Variants in ADCK1 observed in about 807,000 individuals in gnomAD.
ADCK1 encodes aarF domain containing kinase 1, also known as aarF domain-containing protein kinase 1.
Under a neutral mutation model 52.3 loss-of-function variants are expected in ADCK1, and 41 were observed. The ratio of observed to expected loss-of-function variants is 0.78; its 90% CI spans 0.61 to 1.02. The LOEUF (loss-of-function observed/expected upper bound fraction) is 1.02. Among genes scored for constraint, ADCK1 ranks in the 50% least tolerant of loss-of-function variants. The probability of loss-of-function intolerance (pLI) is 0.00; values close to 1 mark genes in which losing one functional copy is unlikely to be tolerated. For missense variants in ADCK1, 658 were observed against 679.5 expected (o/e 0.97, Z 0.35); for synonymous variants, 250 against 274.6 (o/e 0.91, Z 0.89).
intron 6 of ADCK1, among the ~76,000 whole-genome samples, chr14:77,904,047 C>A (rs1403993064): frequency 6.6e-6 from 1 of 152,086 alleles, no homozygotes; most frequent in Non-Finnish European, 1.5e-5. Flanking sequence ...ATAGAGGTAG[C>A]CTGCTCCAGA....
In ADCK1 at chr14:77,931,693, G is replaced by A. The variant is rs764007785; in HGVS notation, c.1382G>A (p.Cys461Tyr). ...TCCTTTCTCAACATGTCACGTTGCT[G>A]CATCAGAGCGCTAGCTGAGTGAGTG... is the stretch of plus-strand genomic sequence containing the variant. The part of the protein sequence containing the change: ...ASSFLNMSRC[C>Y]IRALAEHKKK... Residue 461 changes from cysteine to tyrosine, a missense_variant, in exon 10 of 11, where the codon TGC becomes TAC. Cys to Tyr is a radical substitution (Grantham distance 194). Coordinates refer to ENST00000238561, the MANE Select transcript of ADCK1 (RefSeq NM_020421.4). The A allele has an allele frequency of 4.3e-5, 69 of 1,604,018 alleles. No individual in the cohort carries two copies. The highest frequency in any genetic ancestry group is 5.5e-5 in the Non-Finnish European group (65 of 1,179,912).
chr14:77,869,621 G>C (rs1015095061), intron 4 of ADCK1, among the ~76,000 whole-genome samples: 2 of 152,170 alleles, frequency 1.3e-5, no homozygotes, highest in Non-Finnish European at 1.5e-5. Context: ...ACAACAGATG[G>C]GTGCATTAGG....
chr14:77,931,592 G>T lies in ADCK1; in HGVS notation c.1281G>T (p.Gln427His). 1 of 1,613,920 alleles carries T rather than the reference G, an allele frequency of 6.2e-7. No individual in the cohort carries two copies. The change falls in exon 10 of 11, where the codon CAG (glutamine) becomes CAT (histidine). Residue 427 changes from glutamine to histidine, a missense_variant. Gln to His is a conservative substitution (Grantham distance 24, BLOSUM62 0). Coordinates refer to ENST00000238561, the MANE Select transcript of ADCK1 (RefSeq NM_020421.4). ...ATCTCCTCAACCACGTGCCGCGCCA[G>T]ATGCTGCTCATCTTGAAGACCAACG... ...ISHLLNHVPR[Q>H]MLLILKTNDL...
At chr14:77,850,020 C>T (rs1156867876) in intron 3 of ADCK1, among the ~76,000 whole-genome samples, 2 of 152,040 alleles carry the variant, frequency 1.3e-5, no homozygotes, top group East Asian at 3.9e-4. Flanking sequence ...GCCTGGGCAA[C>T]ATAGTGAGAC....
At chr14:77,816,491 A>G (rs550323291) in intron 1 of ADCK1, among the ~76,000 whole-genome samples, 13 of 152,264 alleles carry the variant, frequency 8.5e-5, no homozygotes, top group Non-Finnish European at 1.5e-4. Flanking sequence ...TGCTGATATC[A>G]TGAAGCTTCC....
At chr14:77,889,954 G>A (rs368613566) in intron 5 of ADCK1, among the ~76,000 whole-genome samples, 16 of 151,944 alleles carry the variant, frequency 1.1e-4, no homozygotes, top group African/African-American at 3.9e-4. Flanking sequence ...AAAACATTGG[G>A]GGGTGAGCCC....
At chr14:77,909,368 C>T (rs1333958634) in intron 7 of ADCK1, among the ~76,000 whole-genome samples, 2 of 152,118 alleles carry the variant, frequency 1.3e-5, no homozygotes, top group Non-Finnish European at 2.9e-5. Context: ...CTCCTGACCT[C>T]GGGTGATCCG....
intron 2 of ADCK1, among the ~76,000 whole-genome samples, chr14:77,819,878 A>G (rs2081543761): frequency 6.6e-6 from 1 of 152,162 alleles, no homozygotes; most frequent in Non-Finnish European, 1.5e-5. Flanking sequence ...TGTGGTTGTC[A>G]TCTCACCATC....
chr14:77,830,500 C>T (rs1285770376), intron 3 of ADCK1, among the ~76,000 whole-genome samples: 1 of 150,794 alleles, frequency 6.6e-6, no homozygotes, highest in African/African-American at 2.4e-5. Flanking sequence ...GTCATGTTGC[C>T]CATGCTGGTC....
intron 5 of ADCK1, among the ~76,000 whole-genome samples, chr14:77,888,687 G>T (rs970031979): frequency 6.6e-6 from 1 of 152,128 alleles, no homozygotes; most frequent in Non-Finnish European, 1.5e-5. Flanking sequence ...CACATGGGGT[G>T]GGGGCAAGGA....
At chr14:77,809,502 G>A (rs1202596014) in intron 1 of ADCK1, among the ~76,000 whole-genome samples, 1 of 151,646 alleles carries the variant, frequency 6.6e-6, no homozygotes, top group Non-Finnish European at 1.5e-5. Flanking sequence ...GCTAATTTTT[G>A]CATTTTTAGT....
intron 1 of ADCK1, among the ~76,000 whole-genome samples, chr14:77,817,277 T>C (rs2081476220): frequency 6.6e-6 from 1 of 152,124 alleles, no homozygotes; most frequent in Non-Finnish European, 1.5e-5. Flanking sequence ...TTGTTTGTAA[T>C]AATAGTTTCC....
chr14:77,910,080 G>C (rs1450492673), intron 7 of ADCK1, among the ~76,000 whole-genome samples: 1 of 152,120 alleles, frequency 6.6e-6, no homozygotes, highest in Non-Finnish European at 1.5e-5. Context: ...TAGGAAAGCT[G>C]TTGTCCCCTG....
In ADCK1 at chr14:77,899,123, G is replaced by A. The variant is rs1566715537; in HGVS notation, c.606G>A (p.Gln202=). The change falls in exon 6 of 11, where the codon CAG becomes CAA. Residue 202 remains glutamine, a synonymous_variant. Transcript: ENST00000238561. ...AGGTGCTCGTTCTGGCTGTGAAGCA[G>A]CTGTTCCCAGAGTTTGAGTTTATGT... ...LMEVLVLAVK[Q]LFPEFEFMWL... 4 of 1,613,920 alleles carry A rather than the reference G, an allele frequency of 2.5e-6. No individual in the cohort carries two copies. The Admixed American group carries it at 5.0e-5, about 20-fold the overall frequency.
At chr14:77,842,046 G>A (rs1321674433) in intron 3 of ADCK1, among the ~76,000 whole-genome samples, 1 of 151,884 alleles carries the variant, frequency 6.6e-6, no homozygotes, top group East Asian at 1.9e-4. Flanking sequence ...AGCTATGATG[G>A]CACCATTGTA....
intron 1 of ADCK1, among the ~76,000 whole-genome samples, chr14:77,814,070 A>AT (rs200100460): frequency 2.2e-5 from 3 of 136,326 alleles, no homozygotes; most frequent in Admixed American, 7.4e-5. Context: ...GCCGAGCCTT[A>AT]TTTTTTTTTT....
chr14:77,843,354 T>A (rs2082114385), intron 3 of ADCK1, among the ~76,000 whole-genome samples: 1 of 152,214 alleles, frequency 6.6e-6, no homozygotes, highest in Non-Finnish European at 1.5e-5. Flanking sequence ...AACACTTGTT[T>A]TTCTTGACTG....
rs561702556 is a variant in ADCK1, at chr14:77,933,544, T to C, written c.*153T>C. On this transcript the variant is annotated 3_prime_UTR_variant, in exon 11 of 11. Transcript: ENST00000238561. ...ATCCTTCTCCTCCTTTGGAATCCTCTCCGCACACTGTGGCCCTTGTCTCAG... is the reference window on the plus strand; with the variant it reads ...ATCCTTCTCCTCCTTTGGAATCCTCCCCGCACACTGTGGCCCTTGTCTCAG... The C allele has an allele frequency of 6.8e-6, 6 of 888,614 alleles. No individual in the cohort carries two copies. In the East Asian group the frequency reaches 1.2e-4, roughly 18 times the overall value. 55.0% of individuals were successfully genotyped at this position (888,614 alleles called of 1,614,324 possible).
At chr14:77,871,868 C>T (rs1261717986) in intron 4 of ADCK1, among the ~76,000 whole-genome samples, 1 of 152,182 alleles carries the variant, frequency 6.6e-6, no homozygotes, top group African/African-American at 2.4e-5. Flanking sequence ...GAGGTGCAAA[C>T]TGAGGCCAGA....
Sources: gnomAD v4.1 joint callset for allele counts (sites outside exome capture counted in the v4.1 genomes callset) on GRCh38, gnomAD v4.1.1 for gene constraint, MANE v1.5 for transcripts, NCBI Gene and HGNC (gene_info 2026-07-23, HGNC 2026-07-21) for gene names.